Variants in ADCY1 observed in about 807,000 individuals in gnomAD.
ADCY1 encodes adenylate cyclase 1, also known as adenylate cyclase type 1.
ADCY1 carries 28 observed loss-of-function variants against 105.4 expected under a neutral mutation model. The ratio of observed to expected loss-of-function variants is 0.27; its 90% CI spans 0.20 to 0.36. The LOEUF is 0.36. ADCY1 is among the 10% of genes least tolerant of loss of function. ADCY1 has a pLI of 1.00. For missense variants in ADCY1, 977 were observed against 1,434.2 expected (o/e 0.68, Z 5.15); for synonymous variants, 655 against 623.8 (o/e 1.05, Z -0.75).
chr7:45,670,248 G>A (rs1346022321), intron 8 of ADCY1, among the ~76,000 whole-genome samples: 1 of 152,122 alleles, frequency 6.6e-6, no homozygotes, highest in South Asian at 2.1e-4. Flanking sequence ...TTTCAGAGAT[G>A]TGTGTATCAT....
chr7:45,590,019 T>C (rs1792861595), intron 1 of ADCY1, among the ~76,000 whole-genome samples: 1 of 151,514 alleles, frequency 6.6e-6, no homozygotes, highest in Non-Finnish European at 1.5e-5. Flanking sequence ...AAGAGAGGAG[T>C]GGCTGGTTCC....
intron 1 of ADCY1, among the ~76,000 whole-genome samples, chr7:45,576,938 A>G (rs75813508): frequency 0.03 from 4,611 of 152,274 alleles, 95 homozygotes; most frequent in African/African-American, 0.055. Context: ...TAAAATAAAG[A>G]CATTTCCTAT....
chr7:45,580,414 T>C (rs1298107067), intron 1 of ADCY1, among the ~76,000 whole-genome samples: 5 of 152,206 alleles, frequency 3.3e-5, no homozygotes, highest in African/African-American at 1.2e-4. Flanking sequence ...GCCTCTCTGC[T>C]CTGGTTCCCA....
intron 8 of ADCY1, among the ~76,000 whole-genome samples, chr7:45,670,414 A>G (rs900679856): frequency 9.2e-5 from 14 of 152,206 alleles, no homozygotes; most frequent in Admixed American, 2.6e-4. Context: ...GGGTGGTGAC[A>G]GGGTTTGGAG....
At chr7:45,580,128 G>A (rs1381203464) in intron 1 of ADCY1, among the ~76,000 whole-genome samples, 1 of 152,198 alleles carries the variant, frequency 6.6e-6, no homozygotes, top group East Asian at 1.9e-4. Flanking sequence ...CAGGAAATGA[G>A]TCTAGACAAA....
intron 14 of ADCY1, among the ~76,000 whole-genome samples, chr7:45,698,649 C>T (rs746635451): frequency 6.6e-6 from 1 of 152,200 alleles, no homozygotes; most frequent in Non-Finnish European, 1.5e-5. Context: ...GCACCACACT[C>T]AGCCTGCCCC....
At chr7:45,584,490 C>T (rs372072673) in intron 1 of ADCY1, among the ~76,000 whole-genome samples, 16 of 152,366 alleles carry the variant, frequency 1.1e-4, no homozygotes, top group African/African-American at 3.8e-4. Context: ...GACAGAGCCC[C>T]CCGCTGCCCC....
Position 45,704,613 on chromosome 7 carries a change from C to T in ADCY1, c.2814C>T (p.Thr938=). 1 of 1,613,714 alleles carries T rather than the reference C, an allele frequency of 6.2e-7. No homozygotes were observed. The highest frequency in any genetic ancestry group is 8.5e-7 in the Non-Finnish European group (1 of 1,179,762). The part of the protein sequence containing the change: ...AAVGLAPTSG[T]KAKKSISSHL... ...TGGGGCTAGCGCCCACCTCGGGGACCAAGGTGAGTGCAGCCTGGCGCTGCC... is the reference window on the plus strand; with the variant it reads ...TGGGGCTAGCGCCCACCTCGGGGACTAAGGTGAGTGCAGCCTGGCGCTGCC... Residue 938 remains threonine (T), a synonymous_variant, in exon 17 of 20, where the codon ACC becomes ACT. Coordinates refer to ENST00000297323, the MANE Select transcript of ADCY1 (RefSeq NM_021116.4).
intron 7 of ADCY1, among the ~76,000 whole-genome samples, chr7:45,660,497 A>AG (rs529875362): frequency 1.5e-3 from 232 of 152,270 alleles, no homozygotes; most frequent in Middle Eastern, 3.4e-3. Context: ...GAAACCCCGC[A>AG]GGGGGGCCAG....
intron 4 of ADCY1, among the ~76,000 whole-genome samples, chr7:45,636,456 T>C (rs2116002713): frequency 6.6e-6 from 1 of 152,356 alleles, no homozygotes; most frequent in Admixed American, 6.5e-5. Context: ...TTCTGTCATC[T>C]GCAGTTGGTT....
intron 5 of ADCY1, among the ~76,000 whole-genome samples, chr7:45,652,873 C>T (rs1201128703): frequency 6.6e-6 from 1 of 152,198 alleles, no homozygotes; most frequent in Non-Finnish European, 1.5e-5. Flanking sequence ...CTGGGAGCCA[C>T]AGCATCCAAA....
At chr7:45,595,147 G>T (rs1793036515) in intron 2 of ADCY1, among the ~76,000 whole-genome samples, 1 of 152,146 alleles carries the variant, frequency 6.6e-6, no homozygotes, top group Non-Finnish European at 1.5e-5. Flanking sequence ...AGTTTCTGAG[G>T]TATTTTCCCA....
chr7:45,645,387 T>C (rs891081594), intron 4 of ADCY1, among the ~76,000 whole-genome samples: 10 of 152,156 alleles, frequency 6.6e-5, no homozygotes, highest in African/African-American at 2.2e-4. Flanking sequence ...AATGTCCTTT[T>C]CTGCGGTGGC....
chr7:45,669,817 T>G (rs1286077164), intron 8 of ADCY1, among the ~76,000 whole-genome samples: 1 of 152,260 alleles, frequency 6.6e-6, no homozygotes, highest in Non-Finnish European at 1.5e-5. Flanking sequence ...AATGTTTTAC[T>G]TAATTCTGTT....
intron 4 of ADCY1, among the ~76,000 whole-genome samples, chr7:45,643,943 G>A (rs971868791): frequency 1.3e-5 from 2 of 152,170 alleles, no homozygotes; most frequent in African/African-American, 4.8e-5. Context: ...TGATGAACAG[G>A]TGTCTGCAGA....
chr7:45,626,048 G>T (rs965643119), intron 4 of ADCY1, among the ~76,000 whole-genome samples: 10 of 152,212 alleles, frequency 6.6e-5, no homozygotes, highest in Non-Finnish European at 1.5e-4. Context: ...GGACCTACCA[G>T]CCCCTAATGC....
chr7:45,686,098 G>A lies in ADCY1; in HGVS notation c.2210G>A (p.Gly737Asp), dbSNP rs1784667625. Residue 737 changes from glycine to aspartate, a missense_variant, in exon 13 of 20, where the codon GGC (glycine) becomes GAC (aspartate). Gly to Asp is a moderately conservative substitution (Grantham distance 94). Coordinates refer to ENST00000297323, the MANE Select transcript of ADCY1 (RefSeq NM_021116.4). The surrounding 1 kb of genome is among the most constrained non-coding windows in gnomAD (Gnocchi z 4.3). ...THHALLCCLV[G>D]TLPLAIFFRV... ...CATGCCCTGCTCTGCTGCCTGGTGGGCACCCTCCCGCTAGCCATATTTTTC... is the reference window on the plus strand; with the variant it reads ...CATGCCCTGCTCTGCTGCCTGGTGGACACCCTCCCGCTAGCCATATTTTTC... 2 of 1,614,092 alleles carry A rather than the reference G, an allele frequency of 1.2e-6. No individual in the cohort carries two copies. Among genetic ancestry groups the A allele is most frequent in the East Asian group, 2.2e-5 (1 of 44,866 alleles).
At chr7:45,638,481 CTTTTTTTT>C (rs34719678) in intron 4 of ADCY1, among the ~76,000 whole-genome samples, 1 of 132,722 alleles carries the variant, frequency 7.5e-6, no homozygotes, top group Non-Finnish European at 1.6e-5. Flanking sequence ...CAGTTTGCTC[CTTTTTTTT>C]TTTTTTTTTG....
intron 6 of ADCY1, among the ~76,000 whole-genome samples, chr7:45,658,662 CG>C (rs1795006839): frequency 6.6e-6 from 1 of 152,226 alleles, no homozygotes; most frequent in Non-Finnish European, 1.5e-5. Flanking sequence ...GCTATGCAGC[CG>C]CTGTCTTCAT....
Sources: gnomAD v4.1 joint callset for allele counts (sites outside exome capture counted in the v4.1 genomes callset) on GRCh38, gnomAD v4.1.1 for gene constraint, Gnocchi (gnomAD v3.1) non-coding constraint, MANE v1.5 for transcripts, NCBI Gene and HGNC (gene_info 2026-07-23, HGNC 2026-07-21) for gene names.